Variants in TMEM131L observed in about 807,000 individuals in gnomAD.
The protein encoded by TMEM131L is transmembrane protein 131-like.
In TMEM131L, 54 loss-of-function variants were observed where a neutral mutation model predicts 192.2. The ratio of observed to expected loss-of-function variants is 0.28; its 90% CI spans 0.23 to 0.35. The LOEUF (loss-of-function observed/expected upper bound fraction) is 0.35, where lower values mean the gene tolerates loss of function less well. Ranked by LOEUF, TMEM131L falls within the 10% of genes least tolerant of loss-of-function variation. The pLI is 1.00. For synonymous variants in TMEM131L, 701 were observed against 704.9 expected (o/e 0.99, Z 0.09); for missense variants, 1,888 against 1,972.9 (o/e 0.96, Z 0.82).
At chr4:153,467,124 G>T (rs1730814166) in intron 1 of TMEM131L, 87 bp from the exon 2 acceptor site, 22 of 1,282,640 alleles carry the variant, frequency 1.7e-5, no homozygotes, top group African/African-American at 3.0e-5. Flanking sequence ...TTGGTGAGGC[G>T]GGGGGCACGG....
chr4:153,510,081 G>T (rs1470498559), intron 3 of TMEM131L, among the ~76,000 whole-genome samples: 2 of 152,178 alleles, frequency 1.3e-5, no homozygotes, highest in Non-Finnish European at 2.9e-5. Context: ...TTTGATACCT[G>T]ACTCTCATTT....
chr4:153,602,079 T>A, intron 21 of TMEM131L, 73 bp from the exon 22 acceptor site: 1 of 925,662 alleles, frequency 1.1e-6, no homozygotes. Flanking sequence ...TCAATAAATA[T>A]CGATCCAATA....
intron 20 of TMEM131L, 121 bp from the exon 21 acceptor site, chr4:153,598,469 T>A (rs1254461047): frequency 4.4e-6 from 4 of 902,318 alleles, no homozygotes; most frequent in Non-Finnish European, 6.7e-6. Context: ...ATTGATTTTC[T>A]TTTTTAAAAC....
chr4:153,587,854 G>T, intron 15 of TMEM131L, 43 bp downstream of exon 15: 4 of 1,370,306 alleles, frequency 2.9e-6, no homozygotes, highest in Non-Finnish European at 3.1e-6. Flanking sequence ...CTCTAGTTTG[G>T]GGGATGGGAA....
intron 3 of TMEM131L, among the ~76,000 whole-genome samples, chr4:153,490,524 C>T (rs1050571493): frequency 6.6e-6 from 1 of 152,138 alleles, no homozygotes; most frequent in African/African-American, 2.4e-5. Flanking sequence ...TTCATTAATT[C>T]ACCACTTTCA....
intron 3 of TMEM131L, among the ~76,000 whole-genome samples, chr4:153,543,873 A>G (rs1736977503): frequency 6.6e-6 from 1 of 152,176 alleles, no homozygotes; most frequent in Non-Finnish European, 1.5e-5. Context: ...TCTTTGAATA[A>G]TGAGAACAGC....
chr4:153,575,660 C>G (rs140309235), intron 7 of TMEM131L, among the ~76,000 whole-genome samples: 1 of 152,236 alleles, frequency 6.6e-6, no homozygotes, highest in African/African-American at 2.4e-5. Context: ...TATATTAATA[C>G]TTTCAATGAA....
At chr4:153,576,168 G>T (rs1462028007) in intron 7 of TMEM131L, among the ~76,000 whole-genome samples, 3 of 152,048 alleles carry the variant, frequency 2.0e-5, no homozygotes, top group Non-Finnish European at 1.5e-5. Context: ...CACCATGTTA[G>T]CCAGGATGGT....
intron 3 of TMEM131L, among the ~76,000 whole-genome samples, chr4:153,487,644 G>A (rs1441686337): frequency 1.3e-5 from 2 of 152,014 alleles, no homozygotes; most frequent in Non-Finnish European, 2.9e-5. Flanking sequence ...AGGGTGGTAT[G>A]TGTATTCAGA....
At chr4:153,581,976 A>G (rs1231549302) in intron 9 of TMEM131L, among the ~76,000 whole-genome samples, 2 of 152,246 alleles carry the variant, frequency 1.3e-5, no homozygotes, top group South Asian at 2.1e-4. Context: ...TGGATGCTTG[A>G]CAAGTTAGGT....
chr4:153,550,558 C>CT (rs1737540392), intron 4 of TMEM131L, among the ~76,000 whole-genome samples: 1 of 152,138 alleles, frequency 6.6e-6, no homozygotes, highest in Admixed American at 6.5e-5. Context: ...GATCTCCTGA[C>CT]TTCGTGATCC....
At chr4:153,504,608 A>G (rs1398331532) in intron 3 of TMEM131L, among the ~76,000 whole-genome samples, 1 of 152,116 alleles carries the variant, frequency 6.6e-6, no homozygotes, top group Non-Finnish European at 1.5e-5. Context: ...TATGCTAAGC[A>G]AGAGAAATAT....
intron 3 of TMEM131L, among the ~76,000 whole-genome samples, chr4:153,537,678 C>G (rs1397728282): frequency 1.3e-5 from 2 of 152,174 alleles, no homozygotes; most frequent in African/African-American, 2.4e-5. Flanking sequence ...CAACCTGTTT[C>G]ATCAGCAAGG....
intron 3 of TMEM131L, among the ~76,000 whole-genome samples, chr4:153,511,914 A>G (rs1734385559): frequency 6.6e-6 from 1 of 152,210 alleles, no homozygotes; most frequent in African/African-American, 2.4e-5. Context: ...ATTTAACTCC[A>G]TTTAAAATAA....
intron 7 of TMEM131L, among the ~76,000 whole-genome samples, chr4:153,567,433 C>T (rs1462298227): frequency 6.6e-6 from 1 of 152,066 alleles, no homozygotes; most frequent in Non-Finnish European, 1.5e-5. Flanking sequence ...TGAGAGAACA[C>T]CTGGAGTTTT....
At chr4:153,520,472 T>C (rs1735032916) in intron 3 of TMEM131L, among the ~76,000 whole-genome samples, 1 of 152,020 alleles carries the variant, frequency 6.6e-6, no homozygotes, top group Non-Finnish European at 1.5e-5. Context: ...CTGTCTCTGA[T>C]AGATAAATAC....
intron 7 of TMEM131L, among the ~76,000 whole-genome samples, chr4:153,571,205 T>C (rs1162574578): frequency 1.3e-5 from 2 of 152,234 alleles, no homozygotes; most frequent in Non-Finnish European, 2.9e-5. Context: ...ACATAAGAGA[T>C]ACTCTCCTGT....
intron 3 of TMEM131L, among the ~76,000 whole-genome samples, chr4:153,502,233 C>T (rs1049353942): frequency 1.1e-4 from 16 of 152,246 alleles, no homozygotes; most frequent in Non-Finnish European, 1.5e-4. Flanking sequence ...TGTGAACCAC[C>T]GCGGCTGTCC....
intron 7 of TMEM131L, among the ~76,000 whole-genome samples, chr4:153,578,956 C>A (rs1439358931): frequency 6.6e-6 from 1 of 152,080 alleles, no homozygotes; most frequent in South Asian, 2.1e-4. Context: ...CTGCACCCAG[C>A]CTAACAAGTC....
Sources: allele counts gnomAD v4.1 joint callset (sites outside exome capture counted in the v4.1 genomes callset), GRCh38; gene constraint gnomAD v4.1.1; transcripts MANE v1.5; gene names NCBI Gene and HGNC (gene_info 2026-07-23, HGNC 2026-07-21).